Variants in FRMD4A observed in about 807,000 individuals in gnomAD.
FRMD4A encodes FERM domain-containing protein 4A.
In FRMD4A, 29 loss-of-function variants were observed where a neutral mutation model predicts 129.1. The observed-to-expected ratio is 0.22, with a 90% CI of 0.17 to 0.31. FRMD4A has a LOEUF of 0.31. Ranked by LOEUF, FRMD4A falls within the 10% of genes least tolerant of loss-of-function variation. The probability of loss-of-function intolerance (pLI) is 1.00; values close to 1 mark genes in which losing one functional copy is unlikely to be tolerated. For synonymous variants in FRMD4A, 634 were observed against 571.6 expected (o/e 1.11, Z -1.56); for missense variants, 1,272 against 1,375.8 (o/e 0.92, Z 1.19).
intron 2 of FRMD4A, among the ~76,000 whole-genome samples, chr10:14,157,884 A>G (rs1446612368): frequency 1.3e-5 from 2 of 152,210 alleles, no homozygotes. Context: ...TCAAGTCAGG[A>G]AAGGATTCAT....
chr10:13,706,168 G>A lies in FRMD4A; in HGVS notation c.836+869C>T, dbSNP rs567661181. Among the ~76,000 whole-genome samples the A allele has an allele frequency of 7.9e-5, 12 of 152,326 alleles. No individual in the cohort carries two copies. In the East Asian group the frequency reaches 1.9e-3, roughly 24 times the overall value. ...GCCTAAAACCCACTTTTGCTCCTCTGTAGAGTCTGATCTTTTTTCTGTCTC... is the reference window on the plus strand; with the variant it reads ...GCCTAAAACCCACTTTTGCTCCTCTATAGAGTCTGATCTTTTTTCTGTCTC... On this transcript the variant is annotated intron_variant, in intron 13 of 24. Transcript: ENST00000357447.
At chr10:13,899,531 C>T (rs1234041566) in intron 2 of FRMD4A, among the ~76,000 whole-genome samples, 1 of 152,190 alleles carries the variant, frequency 6.6e-6, no homozygotes, top group Non-Finnish European at 1.5e-5. Context: ...TGGTGGCTCA[C>T]ACCTGTAATT....
At chr10:14,239,194 C>G (rs148207358) in intron 2 of FRMD4A, among the ~76,000 whole-genome samples, 1 of 152,316 alleles carries the variant, frequency 6.6e-6, no homozygotes, top group Non-Finnish European at 1.5e-5. Context: ...GCATTAAAAT[C>G]TCAGAAACAG....
At chr10:13,797,729 G>A (rs11258623) in intron 4 of FRMD4A, among the ~76,000 whole-genome samples, 64,115 of 151,980 alleles carry the variant, frequency 0.42, 13,749 homozygotes, top group Middle Eastern at 0.47. Flanking sequence ...CATTTCCCCC[G>A]TAGCTAATGC....
chr10:13,794,758 G>A (rs1483215239), intron 5 of FRMD4A, among the ~76,000 whole-genome samples: 3 of 152,156 alleles, frequency 2.0e-5, no homozygotes, highest in Non-Finnish European at 2.9e-5. Context: ...TGCTTTGGCC[G>A]ACCATCAATG....
At chr10:14,044,273 G>A (rs559910045) in intron 2 of FRMD4A, among the ~76,000 whole-genome samples, 3 of 152,218 alleles carry the variant, frequency 2.0e-5, no homozygotes, top group East Asian at 3.9e-4. Context: ...TGTTTTAGCC[G>A]TGTGGCTCTT....
At chr10:14,076,144 G>T (rs552301688) in intron 2 of FRMD4A, among the ~76,000 whole-genome samples, 8 of 152,232 alleles carry the variant, frequency 5.3e-5, no homozygotes, top group Non-Finnish European at 7.4e-5. Context: ...CATTTGCCCA[G>T]TGTGTGTCTA....
chr10:14,328,517 G>A (rs888303266), intron 2 of FRMD4A, among the ~76,000 whole-genome samples: 3 of 151,882 alleles, frequency 2.0e-5, no homozygotes, highest in Non-Finnish European at 2.9e-5. Flanking sequence ...TGAGACAAGC[G>A]GGTCTAACTC....
intron 2 of FRMD4A, among the ~76,000 whole-genome samples, chr10:14,131,395 T>TGC (rs1554767017): frequency 7.2e-5 from 9 of 125,826 alleles, no homozygotes; most frequent in African/African-American, 2.8e-4. Context: ...CAACTCACTG[T>TGC]GCCCCCCCCG....
chr10:13,818,083 T>C (rs978984612), intron 3 of FRMD4A, among the ~76,000 whole-genome samples: 3 of 152,234 alleles, frequency 2.0e-5, no homozygotes, highest in African/African-American at 7.2e-5. Flanking sequence ...GCAAGCTCTC[T>C]GGGCCTCAGT....
At chr10:13,775,852 A>T (rs1053992143) in intron 6 of FRMD4A, among the ~76,000 whole-genome samples, 3 of 152,186 alleles carry the variant, frequency 2.0e-5, no homozygotes, top group African/African-American at 7.2e-5. Flanking sequence ...GACATCTGAG[A>T]ATCTGTAGGA....
At chr10:14,017,215 A>C (rs961967659) in intron 2 of FRMD4A, among the ~76,000 whole-genome samples, 12 of 152,168 alleles carry the variant, frequency 7.9e-5, no homozygotes, top group Admixed American at 7.9e-4. Flanking sequence ...CATGTGATTA[A>C]ACGGGTAATA....
intron 2 of FRMD4A, among the ~76,000 whole-genome samples, chr10:14,165,868 G>A (rs1026465096): frequency 1.3e-5 from 2 of 152,196 alleles, no homozygotes; most frequent in Admixed American, 1.3e-4. Flanking sequence ...GGGAGGAAGA[G>A]GGTGGGGCAA....
intron 2 of FRMD4A, among the ~76,000 whole-genome samples, chr10:14,300,559 G>T (rs2132088985): frequency 6.6e-6 from 1 of 152,300 alleles, no homozygotes; most frequent in African/African-American, 2.4e-5. Flanking sequence ...GCCAAAAACT[G>T]GGTCTGTAGT....
intron 2 of FRMD4A, among the ~76,000 whole-genome samples, chr10:13,960,970 A>C (rs140672428): frequency 2.0e-5 from 3 of 152,334 alleles, no homozygotes; most frequent in African/African-American, 7.2e-5. Flanking sequence ...ACTTTTTATG[A>C]GTTAGAAATA....
intron 2 of FRMD4A, among the ~76,000 whole-genome samples, chr10:14,029,055 C>A (rs1318222949): frequency 6.6e-6 from 1 of 152,172 alleles, no homozygotes; most frequent in East Asian, 1.9e-4. Flanking sequence ...CAGTGACACA[C>A]TCTATACGGT....
intron 2 of FRMD4A, among the ~76,000 whole-genome samples, chr10:14,173,747 T>C (rs1426731462): frequency 1.3e-5 from 2 of 152,092 alleles, no homozygotes; most frequent in Admixed American, 6.5e-5. Context: ...CCTGCTAAAA[T>C]ATGGCTGTCT....
At chr10:14,218,312 A>T (rs1160186549) in intron 2 of FRMD4A, among the ~76,000 whole-genome samples, 1 of 152,136 alleles carries the variant, frequency 6.6e-6, no homozygotes, top group African/African-American at 2.4e-5. Context: ...AATTTGACTA[A>T]CTTCTTCTTT....
intron 2 of FRMD4A, among the ~76,000 whole-genome samples, chr10:14,016,383 T>G (rs2095699203): frequency 6.6e-6 from 1 of 152,220 alleles, no homozygotes; most frequent in Admixed American, 6.5e-5. Context: ...AAACAAGACG[T>G]GTGCACCTTC....
Sources: allele counts gnomAD v4.1 joint callset (sites outside exome capture counted in the v4.1 genomes callset), GRCh38; gene constraint gnomAD v4.1.1; transcripts MANE v1.5; gene names NCBI Gene and HGNC (gene_info 2026-07-23, HGNC 2026-07-21).